The following GALNT2 variants were observed in gnomAD, a reference collection of about 807,000 sequenced individuals.
GALNT2 encodes the protein polypeptide N-acetylgalactosaminyltransferase 2.
GALNT2 carries 31 observed loss-of-function variants against 81.4 expected under a neutral mutation model. The ratio of observed to expected loss-of-function variants is 0.38; its 90% CI spans 0.29 to 0.51. The LOEUF is 0.51. GALNT2 is among the 20% of genes least tolerant of loss of function. The pLI is 0.87. For missense variants in GALNT2, 629 were observed against 765.7 expected (o/e 0.82, Z 2.11); for synonymous variants, 303 against 287.4 (o/e 1.05, Z -0.55).
intron 10 of GALNT2, 117 bp from the exon 11 acceptor site, chr1:230,255,101 G>A: frequency 3.5e-6 from 5 of 1,421,258 alleles, no homozygotes; most frequent in Non-Finnish European, 4.9e-6. Context: ...GCAGCAGAGG[G>A]CATGGGAGCC....
At chr1:230,204,257 A>G (rs1376636700) in intron 3 of GALNT2, among the ~76,000 whole-genome samples, 11 of 150,464 alleles carry the variant, frequency 7.3e-5, no homozygotes, top group Admixed American at 6.6e-4. Flanking sequence ...CTACTCCTCT[A>G]CTTCCCAGGT....
At chr1:230,138,741 C>T (rs1041858944) in intron 1 of GALNT2, among the ~76,000 whole-genome samples, 5 of 152,128 alleles carry the variant, frequency 3.3e-5, no homozygotes, top group Admixed American at 2.0e-4. Context: ...AACTTCTTGA[C>T]GTTGCCATGG....
rs115194482 is a variant in GALNT2, at chr1:230,251,703, G to A, written c.1009+1143G>A. Among the ~76,000 whole-genome samples the A allele has an allele frequency of 5.2e-3, 799 of 152,312 alleles. 5 individuals carry two copies. Among genetic ancestry groups the A allele is most frequent in the Non-Finnish European group, 8.0e-3 (544 of 68,012 alleles). On this transcript the variant is annotated intron_variant, in intron 10 of 15. Coordinates refer to ENST00000366672, the MANE Select transcript of GALNT2 (RefSeq NM_004481.5). ...CCCTGTTCCATGGGTATCCCCTAAT[G>A]GTTTAGTGGAAATCCAGCAGGCCAG... is the stretch of plus-strand genomic sequence containing the variant.
chr1:230,223,996 C>CT (rs757056433), intron 3 of GALNT2, among the ~76,000 whole-genome samples: 1 of 152,194 alleles, frequency 6.6e-6, no homozygotes, highest in East Asian at 1.9e-4. Context: ...TGAATAACCT[C>CT]TAAGAAGGGT....
chr1:230,059,640 GA>G (rs1461238465), intron 1 of GALNT2, among the ~76,000 whole-genome samples: 5 of 152,180 alleles, frequency 3.3e-5, no homozygotes, highest in Non-Finnish European at 2.9e-5. Flanking sequence ...TCAGCAGAAT[GA>G]AACTTCAGGG....
chr1:230,128,605 A>AGGGT (rs1421547629), intron 1 of GALNT2, among the ~76,000 whole-genome samples: 2 of 69,570 alleles, frequency 2.9e-5, no homozygotes, highest in Non-Finnish European at 5.1e-5. Flanking sequence ...GACTTTCATA[A>AGGGT]GGGTGTGTGT....
Position 230,094,253 on chromosome 1 carries a change from C to T in GALNT2, c.126+26847C>T, listed in dbSNP as rs375495767. On this transcript the variant is annotated intron_variant, in intron 1 of 15. Coordinates refer to ENST00000366672, the MANE Select transcript of GALNT2 (RefSeq NM_004481.5). ...GTCAAACTCCTGGCTTCAAGTGATCCTCCCACCTTGGCCTCTTAAAATGCT... is the reference window on the plus strand; with the variant it reads ...GTCAAACTCCTGGCTTCAAGTGATCTTCCCACCTTGGCCTCTTAAAATGCT... Among the ~76,000 whole-genome samples, 279 of 149,784 alleles carry T rather than the reference C, an allele frequency of 1.9e-3. 1 individual carries two copies. Among genetic ancestry groups the T allele is most frequent in the African/African-American group, 6.6e-3 (269 of 40,468 alleles).
chr1:230,221,602 T>G (rs975560357), intron 3 of GALNT2, among the ~76,000 whole-genome samples: 1 of 152,244 alleles, frequency 6.6e-6, no homozygotes, highest in South Asian at 2.1e-4. Context: ...GTAAAATGAA[T>G]TTAGAACAAA....
In GALNT2 at chr1:230,279,690, C is replaced by A; in HGVS notation, c.*232C>A. On this transcript the variant is annotated 3_prime_UTR_variant, in exon 16 of 16. Coordinates refer to ENST00000366672, the MANE Select transcript of GALNT2 (RefSeq NM_004481.5). The surrounding 1 kb of genome is among the most constrained non-coding windows in gnomAD (Gnocchi z 4.6). Reference sequence around the variant, plus strand: ...CGGTGCAGCCCAGCCGGGCCCCCTTCCCCAGGCCGGAGCGCCCCTCTTCCT... The same window carrying A: ...CGGTGCAGCCCAGCCGGGCCCCCTTACCCAGGCCGGAGCGCCCCTCTTCCT... 1.7e-6 allele frequency: 1 copy of A among 584,464 alleles called. No homozygotes were observed. The highest frequency in any genetic ancestry group is 3.1e-6 in the Non-Finnish European group (1 of 327,686). The allele number at this position is 584,464 out of a possible 1,614,324, so 36.2% of individuals were successfully genotyped here.
intron 3 of GALNT2, among the ~76,000 whole-genome samples, chr1:230,214,534 C>G (rs183520069): frequency 5.3e-5 from 8 of 152,202 alleles, no homozygotes; most frequent in Non-Finnish European, 1.2e-4. Context: ...GAAATGTCTA[C>G]CGTTAGTCTT....
At chr1:230,120,616 G>A (rs1308421261) in intron 1 of GALNT2, among the ~76,000 whole-genome samples, 1 of 152,120 alleles carries the variant, frequency 6.6e-6, no homozygotes, top group African/African-American at 2.4e-5. Context: ...GCTCAGCTCC[G>A]ATCTGCCCTT....
intron 1 of GALNT2, among the ~76,000 whole-genome samples, chr1:230,072,679 C>T (rs1400190157): frequency 6.6e-6 from 1 of 152,226 alleles, no homozygotes. Flanking sequence ...ATGCCACTCA[C>T]ATGTAACAGT....
At chr1:230,245,959 A>T (rs1399170378) in intron 7 of GALNT2, 104 bp from the exon 8 acceptor site, 3 of 911,382 alleles carry the variant, frequency 3.3e-6, no homozygotes, top group Non-Finnish European at 5.5e-6. Context: ...AGTAAGGGCC[A>T]GTTGGGTTTG....
intron 1 of GALNT2, among the ~76,000 whole-genome samples, chr1:230,167,160 G>C (rs11122451): frequency 0.18 from 26,687 of 151,518 alleles, 2,417 homozygotes; most frequent in South Asian, 0.21. Flanking sequence ...GTGGTGGGGG[G>C]TGACAGAGGG....
chr1:230,067,347 A>C lies in GALNT2; in HGVS notation c.67A>C (p.Met23Leu), dbSNP rs1298817264. ...GTGGGTGCTGGGCATCGCCTACTAC[A>C]TGTACTCGGGGGGCGGCTCTGCGCT... ...FLWVLGIAYY[M>L]YSGGGSALAG... is the part of the protein sequence containing the mutation. The change falls in exon 1 of 16, where the codon ATG becomes CTG. Residue 23 changes from methionine (M) to leucine (L), a missense_variant. Coordinates refer to ENST00000366672, the MANE Select transcript of GALNT2 (RefSeq NM_004481.5). 4 of 1,374,738 alleles carry C rather than the reference A, an allele frequency of 2.9e-6. No homozygotes were observed. Among genetic ancestry groups the C allele is most frequent in the Non-Finnish European group, 3.8e-6 (4 of 1,051,420 alleles). 85.2% of individuals were successfully genotyped at this position (1,374,738 alleles called of 1,614,324 possible).
At chr1:230,076,137 T>C (rs1050250118) in intron 1 of GALNT2, among the ~76,000 whole-genome samples, 1 of 152,208 alleles carries the variant, frequency 6.6e-6, no homozygotes, top group Non-Finnish European at 1.5e-5. Flanking sequence ...TCATAATCGC[T>C]TCCCTTACTA....
chr1:230,093,996 T>A (rs536188467), intron 1 of GALNT2, among the ~76,000 whole-genome samples: 12 of 91,692 alleles, frequency 1.3e-4, no homozygotes, highest in African/African-American at 5.9e-4. Context: ...TAATACTGTT[T>A]CGTCCACCTG....
At chr1:230,173,418 C>T (rs1349924542) in intron 1 of GALNT2, among the ~76,000 whole-genome samples, 2 of 152,230 alleles carry the variant, frequency 1.3e-5, no homozygotes, top group Admixed American at 6.5e-5. Flanking sequence ...CTACACTTTC[C>T]TGAAGCACCA....
chr1:230,266,954 A>G (rs574761303), intron 14 of GALNT2, among the ~76,000 whole-genome samples: 4 of 152,174 alleles, frequency 2.6e-5, no homozygotes, highest in African/African-American at 9.6e-5. Context: ...TTGCCGACAG[A>G]TATGAGTGTG....
Sources: gnomAD v4.1 joint callset for allele counts (sites outside exome capture counted in the v4.1 genomes callset) on GRCh38, gnomAD v4.1.1 for gene constraint, Gnocchi (gnomAD v3.1) non-coding constraint, MANE v1.5 for transcripts, NCBI Gene and HGNC (gene_info 2026-07-23, HGNC 2026-07-21) for gene names.